Variants in SEMA5A observed in about 807,000 individuals in gnomAD.
The protein encoded by SEMA5A is semaphorin 5A.
A neutral mutation model predicts 135.5 loss-of-function variants in SEMA5A; 55 were observed. That is an observed-to-expected ratio of 0.41 (90% confidence interval 0.33 to 0.51). The LOEUF (loss-of-function observed/expected upper bound fraction) is 0.51. Ranked by LOEUF, SEMA5A falls within the 20% of genes least tolerant of loss-of-function variation. The pLI is 0.37. For missense variants in SEMA5A, 1,290 were observed against 1,419.9 expected (o/e 0.91, Z 1.47); for synonymous variants, 580 against 546.5 (o/e 1.06, Z -0.85).
At chr5:9,048,247 T>A (rs1736379214) in intron 21 of SEMA5A, among the ~76,000 whole-genome samples, 8 of 152,216 alleles carry the variant, frequency 5.3e-5, no homozygotes, top group Admixed American at 5.2e-4. Context: ...GCTCGTTTCC[T>A]ACGGTGCTTT....
intron 12 of SEMA5A, among the ~76,000 whole-genome samples, chr5:9,147,724 CAAA>C (rs59966819): frequency 2.0e-5 from 2 of 102,492 alleles, no homozygotes; most frequent in Admixed American, 1.1e-4. Context: ...TAAAACAAAC[CAAA>C]AAAAAAAAAA....
intron 5 of SEMA5A, among the ~76,000 whole-genome samples, chr5:9,254,140 T>C (rs903649020): frequency 9.9e-5 from 15 of 152,188 alleles, no homozygotes; most frequent in Non-Finnish European, 2.1e-4. Flanking sequence ...CAGTGGAACT[T>C]GTAAATGTAT....
intron 5 of SEMA5A, among the ~76,000 whole-genome samples, chr5:9,266,468 T>C (rs1749689171): frequency 6.6e-6 from 1 of 152,212 alleles, no homozygotes; most frequent in East Asian, 1.9e-4. Flanking sequence ...AAAGTCTCTA[T>C]CAATCTAATG....
intron 11 of SEMA5A, among the ~76,000 whole-genome samples, chr5:9,167,504 C>G (rs1343133150): frequency 6.6e-6 from 1 of 152,180 alleles, no homozygotes; most frequent in Admixed American, 6.5e-5. Context: ...TCTTCACCCA[C>G]AATTGCAGCT....
chr5:9,432,671 G>A (rs994472029), intron 2 of SEMA5A, among the ~76,000 whole-genome samples: 2 of 152,124 alleles, frequency 1.3e-5, no homozygotes, highest in African/African-American at 4.8e-5. Flanking sequence ...TGGAACTCCT[G>A]CCCTTAACAT....
intron 1 of SEMA5A, among the ~76,000 whole-genome samples, chr5:9,514,572 T>C (rs1736403457): frequency 6.6e-6 from 1 of 152,260 alleles, no homozygotes; most frequent in Admixed American, 6.5e-5. Context: ...TCCTCCCATG[T>C]ACTTTAAATT....
At chr5:9,479,581 C>T (rs1187783900) in intron 1 of SEMA5A, among the ~76,000 whole-genome samples, 1 of 152,122 alleles carries the variant, frequency 6.6e-6, no homozygotes, top group East Asian at 1.9e-4. Flanking sequence ...AATGTATGTA[C>T]AGTGCCCTGG....
At chr5:9,308,317 C>T (rs1419709708) in intron 5 of SEMA5A, among the ~76,000 whole-genome samples, 2 of 152,086 alleles carry the variant, frequency 1.3e-5, no homozygotes, top group African/African-American at 4.8e-5. Flanking sequence ...GTTATGTCAC[C>T]AAACACTCCA....
chr5:9,211,305 G>C (rs1561025897), intron 8 of SEMA5A, among the ~76,000 whole-genome samples: 1 of 152,176 alleles, frequency 6.6e-6, no homozygotes, highest in South Asian at 2.1e-4. Flanking sequence ...ATGCAGTCTT[G>C]ATTCTATTCT....
intron 6 of SEMA5A, among the ~76,000 whole-genome samples, chr5:9,231,018 A>G (rs902466315): frequency 2.0e-5 from 3 of 152,260 alleles, no homozygotes; most frequent in African/African-American, 7.2e-5. Flanking sequence ...TTCCAAACAA[A>G]TTCATTTAAA....
At chr5:9,194,345 T>C (rs1002528558) in intron 10 of SEMA5A, among the ~76,000 whole-genome samples, 12 of 152,232 alleles carry the variant, frequency 7.9e-5, no homozygotes, top group African/African-American at 2.9e-4. Context: ...CCATTCTTCT[T>C]CCTGAATCCA....
chr5:9,102,440 C>A (rs1460182191), intron 16 of SEMA5A, among the ~76,000 whole-genome samples: 1 of 152,126 alleles, frequency 6.6e-6, no homozygotes, highest in Non-Finnish European at 1.5e-5. Context: ...CACCTGATAC[C>A]AGCCAAATAG....
At chr5:9,331,763 G>T (rs549371395) in intron 4 of SEMA5A, among the ~76,000 whole-genome samples, 1 of 152,188 alleles carries the variant, frequency 6.6e-6, no homozygotes, top group East Asian at 1.9e-4. Flanking sequence ...AAATTTTAAT[G>T]CACCTAAGTT....
chr5:9,295,011 C>T (rs1034442230), intron 5 of SEMA5A, among the ~76,000 whole-genome samples: 1 of 152,124 alleles, frequency 6.6e-6, no homozygotes, highest in Non-Finnish European at 1.5e-5. Context: ...CTGGCCTACA[C>T]ATCCAGACCC....
At chr5:9,162,062 G>A (rs371669067) in intron 11 of SEMA5A, among the ~76,000 whole-genome samples, 1 of 152,220 alleles carries the variant, frequency 6.6e-6, no homozygotes, top group Non-Finnish European at 1.5e-5. Flanking sequence ...CTTATTGATG[G>A]ACAGAAAGCA....
At chr5:9,207,851 T>TGATAGATA (rs55679317) in intron 8 of SEMA5A, among the ~76,000 whole-genome samples, 1,662 of 146,076 alleles carry the variant, frequency 0.011, 14 homozygotes, top group Middle Eastern at 0.021. Flanking sequence ...AGACAGATGA[T>TGATAGATA]GATAGATAGA....
intron 5 of SEMA5A, among the ~76,000 whole-genome samples, chr5:9,248,556 C>CA (rs57718636): frequency 0.45 from 64,673 of 143,890 alleles, 14,620 homozygotes; most frequent in Middle Eastern, 0.5. Context: ...ACTCATACGG[C>CA]AAAAAAAAAA....
intron 5 of SEMA5A, among the ~76,000 whole-genome samples, chr5:9,255,920 T>C (rs1561076951): frequency 9.8e-6 from 1 of 101,584 alleles, no homozygotes; most frequent in Non-Finnish European, 2.1e-5. Context: ...TCTCCCCTAG[T>C]GTTGCCCATA....
At chr5:9,297,521 C>A (rs1045672045) in intron 5 of SEMA5A, among the ~76,000 whole-genome samples, 4 of 152,204 alleles carry the variant, frequency 2.6e-5, no homozygotes, top group African/African-American at 7.2e-5. Context: ...GACTTTCAGG[C>A]CTTCAGAACT....
Sources: gnomAD v4.1 joint callset for allele counts (sites outside exome capture counted in the v4.1 genomes callset) on GRCh38, gnomAD v4.1.1 for gene constraint, MANE v1.5 for transcripts, NCBI Gene and HGNC (gene_info 2026-07-23, HGNC 2026-07-21) for gene names.